ANKRD26: variants seen among roughly 807,000 people sequenced by gnomAD.
The protein encoded by ANKRD26 is ankyrin repeat domain 26, also known as ankyrin repeat domain-containing protein 26.
In ANKRD26, 141 loss-of-function variants were observed where a neutral mutation model predicts 208.7. That is an observed-to-expected ratio of 0.68 (90% CI 0.59 to 0.78). The LOEUF is 0.78. Among genes scored for constraint, ANKRD26 ranks in the 30% least tolerant of loss-of-function variants. ANKRD26 has a pLI of 0.00. For missense variants in ANKRD26, 1,889 were observed against 1,938.7 expected, an observed-to-expected ratio of 0.97 and a Z score of 0.48; for synonymous variants, 636 against 660.4, an observed-to-expected ratio of 0.96 and a Z score of 0.57.
chr10:26,992,382 C>T (rs1265820916), intron 5 of ANKRD26, among the ~76,000 whole-genome samples: 1 of 151,490 alleles, frequency 6.6e-6, no homozygotes, highest in Non-Finnish European at 1.5e-5. Context: ...GTTCAGGTCC[C>T]ACATTACTTG....
rs1554771584 is a variant in ANKRD26, at chr10:27,006,873, C to A, written c.4999+44G>T. 2.8e-6 allele frequency: 4 copies of A among 1,433,962 alleles called. No individual in the cohort carries two copies. The Admixed American group carries it at 6.7e-5, about 24-fold the overall frequency. The allele number at this position is 1,433,962 out of a possible 1,614,324, so 88.8% of individuals were successfully genotyped here. ...ACGATTTACAATTTATTTCAGAAAT[C>A]AATTAATTAATCTAAATTTAATTCA... On this transcript the variant is annotated intron_variant, in intron 33 of 33. Coordinates refer to ENST00000376087, the MANE Select transcript of ANKRD26 (RefSeq NM_014915.3).
At chr10:27,038,739 CTAAAA>C (rs1210927438) in intron 21 of ANKRD26, among the ~76,000 whole-genome samples, 7 of 151,840 alleles carry the variant, frequency 4.6e-5, no homozygotes, top group Non-Finnish European at 1.0e-4. Context: ...AGTTAGTTTA[CTAAAA>C]TGTTTATAAA....
At chr10:27,021,021 A>T (rs1165967877) in intron 29 of ANKRD26, among the ~76,000 whole-genome samples, 1 of 152,122 alleles carries the variant, frequency 6.6e-6, no homozygotes, top group East Asian at 1.9e-4. Context: ...AAGGGTACAT[A>T]TGCAGGCTTG....
chr10:27,045,774 C>T (rs924094505), intron 18 of ANKRD26, among the ~76,000 whole-genome samples: 1 of 152,036 alleles, frequency 6.6e-6, no homozygotes, highest in South Asian at 2.1e-4. Flanking sequence ...TTTTAAAATC[C>T]ATATATGATA....
At position 27,047,722 on chromosome 10, in the gene ANKRD26, C is replaced by CTAA. The variant is rs1554782118; in HGVS notation, c.1814+1076_1814+1078dup. 7.6e-4 allele frequency among the ~76,000 whole-genome samples: 110 copies of CTAA among 145,148 alleles called. 1 individual carries two copies. The highest frequency in any genetic ancestry group is 1.5e-3 in the South Asian group (7 of 4,634). On this transcript the variant is annotated intron_variant, in intron 17 of 33. Coordinates refer to ENST00000376087, the MANE Select transcript of ANKRD26 (RefSeq NM_014915.3). ...AATAATACTACTACTACTACTACTA[C>CTAA]TAATAATAATAATAATAATTATTAT...
intron 23 of ANKRD26, 137 bp downstream of exon 23, chr10:27,037,049 C>G: frequency 1.2e-6 from 1 of 823,328 alleles, no homozygotes; most frequent in Non-Finnish European, 1.8e-6. Flanking sequence ...AACACTACCA[C>G]TACCCCAAGA....
intron 20 of ANKRD26, among the ~76,000 whole-genome samples, chr10:27,041,572 GAAGAT>G (rs1312937605): frequency 6.6e-6 from 1 of 152,148 alleles, no homozygotes; most frequent in Non-Finnish European, 1.5e-5. Context: ...TAAAGCTCAA[GAAGAT>G]AAGTGGAGGC....
At chr10:27,078,723 A>G (rs1464446650) in intron 7 of ANKRD26, among the ~76,000 whole-genome samples, 2 of 152,126 alleles carry the variant, frequency 1.3e-5, no homozygotes, top group Non-Finnish European at 2.9e-5. Flanking sequence ...GAAAAATGGA[A>G]AAAGATTTTA....
intron 15 of ANKRD26, among the ~76,000 whole-genome samples, chr10:27,057,011 C>T (rs189840836): frequency 1.3e-5 from 2 of 152,224 alleles, no homozygotes; most frequent in Admixed American, 6.5e-5. Context: ...GATTTTTGGT[C>T]ACTGACTGTG....
At chr10:26,988,706 G>A (rs1456097008), downstream of ANKRD26, among the ~76,000 whole-genome samples, 3 of 151,948 alleles carry the variant, frequency 2.0e-5, no homozygotes, top group Non-Finnish European at 4.4e-5. Context: ...GTATGTGAGT[G>A]TCTAAATATT....
At position 27,033,487 on chromosome 10, in the gene ANKRD26, A is replaced by G. The variant is rs2053947263; in HGVS notation, c.3655-110T>C. The G allele has an allele frequency of 2.8e-6, 3 of 1,088,780 alleles. No individual in the cohort carries two copies. The East Asian group carries it at 8.2e-5, about 30-fold the overall frequency. The allele number at this position is 1,088,780 out of a possible 1,614,324, so 67.4% of individuals were successfully genotyped here. On this transcript the variant is annotated intron_variant, in intron 24 of 33. Coordinates refer to ENST00000376087, the MANE Select transcript of ANKRD26 (RefSeq NM_014915.3). ...CTATGACATATACAACTTAAAAAAT[A>G]TTACCACATACATTGATTCACCTTC...
intron 17 of ANKRD26, 28 bp downstream of exon 17, chr10:27,048,773 T>C: frequency 6.3e-7 from 1 of 1,585,816 alleles, no homozygotes; most frequent in Non-Finnish European, 8.6e-7. Context: ...ATAACAATTA[T>C]CTGCTGTTAA....
At position 27,014,504 on chromosome 10, in the gene ANKRD26, TACTTG is replaced by T; in HGVS notation, c.4709_4713del (p.Ser1570Ter). ...TATATTTTGACTTACTTGGTTAGTT[TACTTG>T]ACAAAGATTTTCTAACTTTTAATTC... On this transcript the variant is annotated frameshift_variant, in exon 31 of 34. Coordinates refer to ENST00000376087, the MANE Select transcript of ANKRD26 (RefSeq NM_014915.3). LOFTEE classifies it high-confidence loss of function. 1 of 1,572,412 alleles carries T rather than the reference TACTTG, an allele frequency of 6.4e-7. No individual in the cohort carries two copies. Among genetic ancestry groups the T allele is most frequent in the Non-Finnish European group, 8.7e-7 (1 of 1,147,630 alleles).
chr10:26,959,180 G>A, the ANKRD26 span, among the ~76,000 whole-genome samples: 3 of 151,840 alleles, frequency 2.0e-5, no homozygotes, highest in Non-Finnish European at 4.4e-5. Context: ...TTGGGAGGCT[G>A]AGGCATGAGA....
intron 21 of ANKRD26, among the ~76,000 whole-genome samples, chr10:27,039,706 C>A (rs2054165819): frequency 6.6e-6 from 1 of 151,984 alleles, no homozygotes; most frequent in South Asian, 2.1e-4. Context: ...AAACTGTAAA[C>A]CCAAAACTTA....
At chr10:27,061,932 T>C in intron 12 of ANKRD26, 1 of 984,712 alleles carries the variant, frequency 1.0e-6, no homozygotes, top group Non-Finnish European at 1.2e-6. Flanking sequence ...TTTACCCCAA[T>C]TCTAGCATGC....
intron 12 of ANKRD26, 65 bp downstream of exon 12, chr10:27,063,923 A>T: frequency 1.6e-6 from 2 of 1,288,718 alleles, no homozygotes; most frequent in Non-Finnish European, 2.2e-6. Context: ...AGAATATATC[A>T]ACAGTCATGT....
rs2054336401 is a variant in ANKRD26 at position 27,043,551 on chromosome 10, T to A, written c.2036A>T (p.Gln679Leu). The change falls in exon 20 of 34, where the codon CAG becomes CTG. Residue 679 changes from glutamine (Q) to leucine (L), a missense_variant. Physicochemically the swap from Gln to Leu is moderately radical, Grantham distance 113. Transcript: ENST00000376087. ...NEKNKVKNQI[Q>L]SMDDVDDLTQ... ...TAAGTCATCAACATCATCCATAGAC[T>A]GTATTTGGTTTTTGACCTATGAAAT... 1.2e-6 allele frequency: 2 copies of A among 1,613,816 alleles called. No homozygotes were observed. Among genetic ancestry groups the A allele is most frequent in the Non-Finnish European group, 1.7e-6 (2 of 1,179,808 alleles).
At chr10:27,047,279 T>C (rs866656457) in intron 17 of ANKRD26, among the ~76,000 whole-genome samples, 43 of 152,324 alleles carry the variant, frequency 2.8e-4, no homozygotes, top group African/African-American at 1.0e-3. Context: ...TGTCATTATA[T>C]GCAGTTCCAA....
Sources: allele counts gnomAD v4.1 joint callset (sites outside exome capture counted in the v4.1 genomes callset), GRCh38; gene constraint gnomAD v4.1.1; transcripts MANE v1.5; gene names NCBI Gene and HGNC (gene_info 2026-07-23, HGNC 2026-07-21).